Variants in STK40 observed in about 807,000 individuals in gnomAD.
The protein encoded by STK40 is serine/threonine kinase 40.
STK40 carries 13 observed loss-of-function variants against 47.9 expected under a neutral mutation model. That is an observed-to-expected ratio of 0.27 (90% CI 0.18 to 0.43). The LOEUF is 0.43. Among genes scored for constraint, STK40 ranks in the 20% least tolerant of loss-of-function variants. The pLI is 1.00. For missense variants in STK40, 460 were observed against 595.1 expected (o/e 0.77, Z 2.36); for synonymous variants, 225 against 243.2 (o/e 0.93, Z 0.69).
intron 6 of STK40, among the ~76,000 whole-genome samples, chr1:36,349,132 C>T (rs551846070): frequency 2.6e-5 from 4 of 152,240 alleles, no homozygotes; most frequent in Non-Finnish European, 5.9e-5. Flanking sequence ...GGGCTTAGAA[C>T]AACTTTCAGA....
chr1:36,343,911 C>T lies in STK40; in HGVS notation c.953G>A (p.Arg318His), dbSNP rs748294638. The T allele has an allele frequency of 3.7e-6, 6 of 1,607,072 alleles. No individual in the cohort carries two copies. Among genetic ancestry groups the T allele is most frequent in the Non-Finnish European group, 5.1e-6 (6 of 1,175,070 alleles). ...RKLLVLDPQQ[R>H]LAAADVLEAL... ...CTCCAGGACGTCGGCGGCGGCCAGG[C>T]GCTGCTGGGGGTCAAGGACCAGCAG... Residue 318 changes from arginine (R) to histidine (H), a missense_variant, in exon 9 of 11, where the codon CGC becomes CAC. Physicochemically the swap from Arg to His is conservative, Grantham distance 29. Around this residue, in one of 3 missense-constraint regions of STK40, gnomAD observed 181 missense variants for 218.9 expected, o/e 0.83. Transcript: ENST00000373132.
intron 10 of STK40, 119 bp from the exon 11 acceptor site, chr1:36,342,092 C>CCA: frequency 2.1e-6 from 2 of 970,602 alleles, no homozygotes; most frequent in Middle Eastern, 6.4e-4. Flanking sequence ...CTTCCAGGCA[C>CCA]CACACCCTCA....
chr1:36,366,646 T>A (rs1386414962), intron 1 of STK40, among the ~76,000 whole-genome samples: 2 of 152,014 alleles, frequency 1.3e-5, no homozygotes, highest in Admixed American at 1.3e-4. Context: ...GATCCCGGCT[T>A]CACAGTGAGA....
Position 36,340,685 on chromosome 1 carries a change from C to T in STK40, c.*1070G>A, listed in dbSNP as rs898890894. 2 of 152,884 alleles carry T rather than the reference C, an allele frequency of 1.3e-5. No homozygotes were observed. The highest frequency in any genetic ancestry group is 2.9e-5 in the Non-Finnish European group (2 of 68,134). The allele number at this position is 152,884 out of a possible 1,614,324, so 9.5% of individuals were successfully genotyped here. A position where few individuals can be genotyped will look rare whatever the true frequency, so the allele number is the denominator to read the frequency against. ...GGCAGGCAGGGTCCCCCAATCCCTA[C>T]AATTCTCCTGAGTCCCTCACCACCA... On this transcript the variant is annotated 3_prime_UTR_variant, in exon 11 of 11. Coordinates refer to ENST00000373132, the MANE Select transcript of STK40 (RefSeq NM_001282547.2).
At chr1:36,365,453 T>C (rs1646894092) in intron 1 of STK40, among the ~76,000 whole-genome samples, 1 of 152,194 alleles carries the variant, frequency 6.6e-6, no homozygotes, top group Non-Finnish European at 1.5e-5. Flanking sequence ...TGAGAATAAC[T>C]AGGATTGTGT....
chr1:36,346,102 C>G (rs1646700253), intron 7 of STK40, among the ~76,000 whole-genome samples: 1 of 148,410 alleles, frequency 6.7e-6, no homozygotes, highest in South Asian at 2.1e-4. Flanking sequence ...TCACGCCATT[C>G]TCCTGCCTCA....
chr1:36,360,509 C>CATTTT (rs72384228), intron 2 of STK40, among the ~76,000 whole-genome samples: 4,686 of 148,952 alleles, frequency 0.031, 143 homozygotes, highest in African/African-American at 0.077. Flanking sequence ...CTTGGGTTTT[C>CATTTT]ATTTTATTTT....
Position 36,369,976 on chromosome 1 carries a change from G to A in STK40, c.-8-8636C>T, listed in dbSNP as rs570004814. Among the ~76,000 whole-genome samples the A allele has an allele frequency of 6.6e-5, 10 of 152,336 alleles. No homozygotes were observed. The East Asian group carries it at 1.3e-3, about 21-fold the overall frequency. On this transcript the variant is annotated intron_variant, in intron 1 of 10. Transcript: ENST00000373132. ...AAGGAGGGGCCAGTGGCTGGAGTGG[G>A]ACCCTGAAGAAAGTACAGATGGTCA...
intron 1 of STK40, among the ~76,000 whole-genome samples, chr1:36,381,539 G>A (rs919299895): frequency 3.3e-5 from 5 of 152,086 alleles, no homozygotes; most frequent in African/African-American, 4.8e-5. Context: ...CGAGTGCAGT[G>A]GTGTGATTAC....
At chr1:36,354,445 T>A (rs566298818) in intron 5 of STK40, 29 bp from the exon 6 acceptor site, 1 of 1,613,302 alleles carries the variant, frequency 6.2e-7, no homozygotes, top group Non-Finnish European at 8.5e-7. Context: ...ATGGTTTACA[T>A]TGTCAATGTG....
At chr1:36,369,741 C>G (rs554893246) in intron 1 of STK40, among the ~76,000 whole-genome samples, 3 of 152,236 alleles carry the variant, frequency 2.0e-5, no homozygotes, top group African/African-American at 7.2e-5. Flanking sequence ...CTGACTCCCC[C>G]ATCTCAGGCT....
intron 6 of STK40, among the ~76,000 whole-genome samples, chr1:36,351,327 A>G (rs2124730800): frequency 6.6e-6 from 1 of 152,262 alleles, no homozygotes; most frequent in East Asian, 1.9e-4. Context: ...CTCTGCTGAG[A>G]AGGCCTCCAG....
intron 2 of STK40, among the ~76,000 whole-genome samples, chr1:36,360,784 CCT>C (rs1646845155): frequency 6.6e-6 from 1 of 152,098 alleles, no homozygotes; most frequent in South Asian, 2.1e-4. Flanking sequence ...CACAAGTGAT[CCT>C]CTCACCTCAG....
Position 36,358,312 on chromosome 1 carries a change from A to G in STK40, c.269T>C (p.Leu90Pro). ...SQEERQGKML[L>P]HTEYSLLSLL... Reference sequence around the variant, plus strand: ...AGACAGCAGTGAGTACTCGGTGTGCAGCAGCATCTTGCCCTGCCGCTCTTC... The same window carrying G: ...AGACAGCAGTGAGTACTCGGTGTGCGGCAGCATCTTGCCCTGCCGCTCTTC... Residue 90 changes from leucine (L) to proline (P), a missense_variant, in exon 4 of 11, where the codon CTG (leucine) becomes CCG (proline). This residue lies in a region of STK40 where 277 missense variants were observed against 358.7 expected (regional missense o/e 0.77). Transcript: ENST00000373132. 6.2e-7 allele frequency: 1 copy of G among 1,610,590 alleles called. No individual in the cohort carries two copies. The highest frequency in any genetic ancestry group is 8.5e-7 in the Non-Finnish European group (1 of 1,177,114).
intron 7 of STK40, among the ~76,000 whole-genome samples, chr1:36,344,995 T>G (rs1309305383): frequency 6.6e-6 from 1 of 152,246 alleles, no homozygotes; most frequent in Admixed American, 6.5e-5. Context: ...CAGGGCCACA[T>G]GGCTGCTCAG....
rs749198474 is a variant in STK40 at position 36,344,253 on chromosome 1, G to T, written c.751C>A (p.Arg251Ser). 2 of 1,604,854 alleles carry T rather than the reference G, an allele frequency of 1.2e-6. No homozygotes were observed. The highest frequency in any genetic ancestry group is 8.5e-7 in the Non-Finnish European group (1 of 1,175,646). ...GCCCACATGTCACTGGGCTTGCCAC[G>T]GTACGGCCGGCCTACGGGCACACAC... Reference protein sequence around the residue: ...SPDVLSGRPYRGKPSDMWALG... With the variant: ...SPDVLSGRPYSGKPSDMWALG... The change falls in exon 8 of 11, where the codon CGT becomes AGT. Residue 251 changes from arginine (R) to serine (S), a missense_variant. Coordinates refer to ENST00000373132, the MANE Select transcript of STK40 (RefSeq NM_001282547.2).
chr1:36,352,516 G>A (rs940523457), intron 6 of STK40, among the ~76,000 whole-genome samples: 15 of 152,132 alleles, frequency 9.9e-5, no homozygotes, highest in Non-Finnish European at 1.9e-4. Flanking sequence ...ACGAAGAAGT[G>A]GCACTGGGAA....
At chr1:36,345,987 A>ATGTTTTT (rs1397972473) in intron 7 of STK40, among the ~76,000 whole-genome samples, 1 of 17,270 alleles carries the variant, frequency 5.8e-5, no homozygotes, top group Non-Finnish European at 1.1e-4. Context: ...ATATATATAT[A>ATGTTTTT]TATATTTTTT....
At chr1:36,357,419 A>T (rs931548251) in intron 4 of STK40, among the ~76,000 whole-genome samples, 1 of 152,198 alleles carries the variant, frequency 6.6e-6, no homozygotes, top group Non-Finnish European at 1.5e-5. Flanking sequence ...AAGCCTGTGA[A>T]GGAGGCCTCC....
Sources: gnomAD v4.1 joint callset for allele counts (sites outside exome capture counted in the v4.1 genomes callset) on GRCh38, gnomAD v4.1.1 for gene constraint, gnomAD v4.1.1 regional missense constraint, MANE v1.5 for transcripts, NCBI Gene and HGNC (gene_info 2026-07-23, HGNC 2026-07-21) for gene names.